The following RBSN variants were observed in gnomAD, a reference collection of about 807,000 sequenced individuals.
The protein encoded by RBSN is rabenosyn-5.
In RBSN, 34 loss-of-function variants were observed where a neutral mutation model predicts 60.5. The observed-to-expected ratio is 0.56, with a 90% CI of 0.43 to 0.75. The LOEUF (loss-of-function observed/expected upper bound fraction) is 0.75, where lower values mean the gene tolerates loss of function less well. RBSN is among the 30% of genes least tolerant of loss of function. The pLI, the probability that RBSN is intolerant of heterozygous loss-of-function variation, is 0.00. For missense variants in RBSN, 845 were observed against 986.8 expected (o/e 0.86, Z 1.92); for synonymous variants, 322 against 366.9 (o/e 0.88, Z 1.40).
chr3:15,074,751 C>G lies in RBSN; in HGVS notation c.1386G>C (p.Gln462His). 1.2e-6 allele frequency: 2 copies of G among 1,614,252 alleles called. No individual in the cohort carries two copies. Among genetic ancestry groups the G allele is most frequent in the Non-Finnish European group, 1.7e-6 (2 of 1,180,044 alleles). The change falls in exon 14 of 14, where the codon CAG becomes CAC. Residue 462 changes from glutamine (Q) to histidine (H), a missense_variant. Physicochemically the swap from Gln to His is conservative, Grantham distance 24. Transcript: ENST00000253699. The surrounding 1 kb of genome is among the most constrained non-coding windows in gnomAD (Gnocchi z 6.4). ...TGATGAATGATGTGATGTTGTGGAT[C>G]TGCTGGAGGAGCGGGTCTGAGTCCT... The part of the protein sequence containing the change: ...QSEDSDPLLQ[Q>H]IHNITSFIRQ...
In RBSN at chr3:15,084,893, A is replaced by C; in HGVS notation, c.440T>G (p.Ile147Arg). The C allele has an allele frequency of 6.2e-7, 1 of 1,613,634 alleles. No homozygotes were observed. Among genetic ancestry groups the C allele is most frequent in the Non-Finnish European group, 8.5e-7 (1 of 1,179,718 alleles). The stretch of plus-strand genomic sequence containing the variant: ...GACCCAAGGCACCACAGACTTTTCT[A>C]TTGCTTTGGGAAGAGCAAACCAACA... Reference protein sequence around the residue: ...TNTESAKIRAIEKSVVPWVND... With the variant: ...TNTESAKIRAREKSVVPWVND... Residue 147 changes from isoleucine (I) to arginine (R), a missense_variant, in exon 8 of 14, where the codon ATA (isoleucine) becomes AGA (arginine). Coordinates refer to ENST00000253699, the MANE Select transcript of RBSN (RefSeq NM_022340.4). This position sits in a 1 kb window ranked among gnomAD's most constrained non-coding sequence, Gnocchi z 4.2.
Position 15,073,949 on chromosome 3 carries a change from C to A in RBSN, c.2188G>T (p.Ala730Ser), listed in dbSNP as rs182027101. ...FEMDSDSGPE[A>S]EEPIEEELLL... is the part of the protein sequence containing the mutation. ...AGCTCTTCCTCTATGGGCTCCTCAG[C>A]CTCTGGCCCACTGTCACTGTCCATC... The change falls in exon 14 of 14, where the codon GCT (alanine) becomes TCT (serine). Residue 730 changes from alanine to serine, a missense_variant. By Grantham distance (99) the Ala-to-Ser change is moderately conservative. Coordinates refer to ENST00000253699, the MANE Select transcript of RBSN (RefSeq NM_022340.4). The A allele has an allele frequency of 1.2e-6, 2 of 1,614,074 alleles. No individual in the cohort carries two copies. The highest frequency in any genetic ancestry group is 2.2e-5 in the East Asian group (1 of 44,868).
chr3:15,080,150 CAGG>C (rs1187011455), intron 10 of RBSN, among the ~76,000 whole-genome samples: 9 of 150,694 alleles, frequency 6.0e-5, no homozygotes, highest in Non-Finnish European at 1.0e-4. Context: ...GAGGCTGAGG[CAGG>C]AGAATTGCTT....
Position 15,074,640 on chromosome 3 carries a change from C to T in RBSN, c.1497G>A (p.Gln499=), listed in dbSNP as rs1430342160. The T allele has an allele frequency of 2.5e-6, 4 of 1,614,148 alleles. No individual in the cohort carries two copies. The highest frequency in any genetic ancestry group is 3.4e-6 in the Non-Finnish European group (4 of 1,180,048). ...ACAGCTCGATGGCCTTCTCTGTCTG[C>T]TGCTGGTCATACTCGTCCTGCAGCT... The part of the protein sequence containing the change: ...LRQLQDEYDQ[Q]QTEKAIELSR... The change falls in exon 14 of 14, where the codon CAG becomes CAA. Residue 499 remains glutamine (Q), a synonymous_variant. Coordinates refer to ENST00000253699, the MANE Select transcript of RBSN (RefSeq NM_022340.4). This position sits in a 1 kb window ranked among gnomAD's most constrained non-coding sequence, Gnocchi z 6.4.
intron 4 of RBSN, among the ~76,000 whole-genome samples, chr3:15,093,384 G>C (rs2043567978): frequency 3.3e-5 from 5 of 152,130 alleles, no homozygotes. Context: ...GGTAAGGCAG[G>C]GTGGGAAATA....
intron 2 of RBSN, among the ~76,000 whole-genome samples, chr3:15,097,522 GTAAA>G (rs58929766): frequency 0.035 from 5,366 of 151,660 alleles, 315 homozygotes; most frequent in African/African-American, 0.12. Flanking sequence ...TCTCAAAAAA[GTAAA>G]TAAATAAATA....
chr3:15,088,715 A>G (rs190098400), intron 5 of RBSN, among the ~76,000 whole-genome samples: 28 of 152,342 alleles, frequency 1.8e-4, no homozygotes, highest in Middle Eastern at 3.4e-3. Context: ...TTCTCCTGCA[A>G]TAACAAAAAT....
rs771046321 is a variant in RBSN at position 15,078,053 on chromosome 3, G to A, written c.998+22C>T. ...TCTTCTCCATTCCACCAGCGGGCAG[G>A]ATACCACTTAATGGACCTTACCTTA... On this transcript the variant is annotated intron_variant, in intron 11 of 13. Transcript: ENST00000253699. The A allele has an allele frequency of 1.0e-5, 16 of 1,605,254 alleles. No homozygotes were observed. In the South Asian group the frequency reaches 1.3e-4, roughly 13 times the overall value.
At chr3:15,093,801 A>C (rs1179060967) in intron 4 of RBSN, among the ~76,000 whole-genome samples, 1 of 152,174 alleles carries the variant, frequency 6.6e-6, no homozygotes, top group Non-Finnish European at 1.5e-5. Context: ...TTCCGGGCTC[A>C]AGGGATCCTT....
At chr3:15,081,267 G>C (rs2043199720) in intron 9 of RBSN, 2 of 154,712 alleles carry the variant, frequency 1.3e-5, no homozygotes, top group Non-Finnish European at 2.9e-5. Flanking sequence ...TGCCTGCCCC[G>C]GCCTCCCAAA....
At chr3:15,096,745 T>C (rs2043669595) in intron 2 of RBSN, 35 bp from the exon 3 acceptor site, 1 of 152,186 alleles carries the variant, frequency 6.6e-6, no homozygotes, top group Non-Finnish European at 1.5e-5. Context: ...AAAGATATAG[T>C]ATCTGCCATA....
intron 5 of RBSN, among the ~76,000 whole-genome samples, chr3:15,087,710 T>C (rs1459832977): frequency 6.6e-6 from 1 of 152,098 alleles, no homozygotes; most frequent in East Asian, 1.9e-4. Context: ...AATCTCCACC[T>C]CCCAGGTTCA....
chr3:15,095,831 GCCTGGCACATGACAAACA>G (rs1250612881), intron 4 of RBSN, 124 bp downstream of exon 4: 9 of 1,069,804 alleles, frequency 8.4e-6, no homozygotes, highest in Non-Finnish European at 1.2e-5. Context: ...CTCTGAAAAC[GCCTGGCACATGACAAACA>G]CTAGTCATCT....
At chr3:15,085,826 T>G (rs913512424) in intron 6 of RBSN, 35 bp downstream of exon 6, 2 of 1,526,582 alleles carry the variant, frequency 1.3e-6, no homozygotes, top group Non-Finnish European at 9.1e-7. Flanking sequence ...AATGTGTATT[T>G]GTAGAAAAAA....
At chr3:15,081,890 G>T (rs1021902622) in intron 9 of RBSN, among the ~76,000 whole-genome samples, 2 of 152,144 alleles carry the variant, frequency 1.3e-5, no homozygotes, top group Admixed American at 6.6e-5. Flanking sequence ...CTCAAGTAAC[G>T]ACAGCTGAGG....
chr3:15,092,787 A>G (rs1160006724), intron 4 of RBSN, among the ~76,000 whole-genome samples: 1 of 152,236 alleles, frequency 6.6e-6, no homozygotes, highest in African/African-American at 2.4e-5. Flanking sequence ...CAGGAATGTG[A>G]GTTAGCAAGT....
intron 12 of RBSN, among the ~76,000 whole-genome samples, chr3:15,076,353 C>T (rs2125154421): frequency 6.6e-6 from 1 of 152,106 alleles, no homozygotes; most frequent in East Asian, 1.9e-4. Context: ...ATAATCCCAG[C>T]ACTTTGGGAG....
Position 15,071,010 on chromosome 3 carries a change from C to G in RBSN, c.*2772G>C, listed in dbSNP as rs9814982. The G allele has an allele frequency of 0.082, 12,463 of 152,082 alleles. 700 individuals carry two copies. Among genetic ancestry groups the G allele is most frequent in the African/African-American group, 0.15 (6,204 of 41,446 alleles). The allele number at this position is 152,082 out of a possible 1,614,324, so 9.4% of individuals were successfully genotyped here. A position where few individuals can be genotyped will look rare whatever the true frequency, so the allele number is the denominator to read the frequency against. ...AGCTAATTTTTGTATTTTTAGTAGA[C>G]ACGGGGTTTCACCATGTTGGCCATG... On this transcript the variant is annotated 3_prime_UTR_variant, in exon 14 of 14. Transcript: ENST00000253699.
Position 15,073,655 on chromosome 3 carries a change from T to A in RBSN, c.*127A>T. On this transcript the variant is annotated 3_prime_UTR_variant, in exon 14 of 14. Transcript: ENST00000253699. ...TGCGCAACACAAAACAGCAGATTCC[T>A]GCCCCTCACCTGTGTGCATCTGAGT... The A allele has an allele frequency of 1.0e-6, 1 of 979,064 alleles. No individual in the cohort carries two copies. The highest frequency in any genetic ancestry group is 2.5e-5 in the East Asian group (1 of 39,840). 60.6% of individuals were successfully genotyped at this position (979,064 alleles called of 1,614,324 possible). A position where few individuals can be genotyped will look rare whatever the true frequency, so the allele number is the denominator to read the frequency against.
Sources: gnomAD v4.1 joint callset for allele counts (sites outside exome capture counted in the v4.1 genomes callset) on GRCh38, gnomAD v4.1.1 for gene constraint, Gnocchi (gnomAD v3.1) non-coding constraint, MANE v1.5 for transcripts, NCBI Gene and HGNC (gene_info 2026-07-23, HGNC 2026-07-21) for gene names.